Variants in SHPRH observed in about 807,000 individuals in gnomAD.
SHPRH encodes SNF2 histone linker PHD RING helicase.
In SHPRH, 106 loss-of-function variants were observed where a neutral mutation model predicts 202.5. The ratio of observed to expected loss-of-function variants is 0.52; its 90% CI spans 0.45 to 0.62. The LOEUF is 0.62. Among genes scored for constraint, SHPRH ranks in the 20% least tolerant of loss-of-function variants. The probability of loss-of-function intolerance (pLI) is 0.00; values close to 1 mark genes in which losing one functional copy is unlikely to be tolerated. For synonymous variants in SHPRH, 729 were observed against 686.0 expected, an observed-to-expected ratio of 1.06 and a Z score of -0.98; for missense variants, 1,710 against 2,020.0, an observed-to-expected ratio of 0.85 and a Z score of 2.94.
chr6:145,872,296 T>C (rs1172957536), intron 2 of SHPRH, among the ~76,000 whole-genome samples: 1 of 152,064 alleles, frequency 6.6e-6, no homozygotes, highest in Non-Finnish European at 1.5e-5. Context: ...AATCTATGTA[T>C]CTGACAAAGC....
Position 145,924,805 on chromosome 6 carries a change from T to C in SHPRH, c.3336A>G (p.Thr1112=), listed in dbSNP as rs1250883458. The change falls in exon 17 of 30, where the codon ACA becomes ACG. Residue 1112 remains threonine (T), a synonymous_variant. Coordinates refer to ENST00000275233, the MANE Select transcript of SHPRH (RefSeq NM_001042683.3). ...LREHYMSKCN[T]EVAEAQQALY... ...AAGCTTGCTGGGCTTCAGCAACTTCTGTATTACACTTGCTCATGTAGTGCT... is the reference window on the plus strand; with the variant it reads ...AAGCTTGCTGGGCTTCAGCAACTTCCGTATTACACTTGCTCATGTAGTGCT... The C allele has an allele frequency of 6.2e-7, 1 of 1,611,874 alleles. No individual in the cohort carries two copies. The highest frequency in any genetic ancestry group is 8.5e-7 in the Non-Finnish European group (1 of 1,178,496).
intron 16 of SHPRH, among the ~76,000 whole-genome samples, 187 bp downstream of exon 16, chr6:145,926,017 A>G (rs1562328703): frequency 6.6e-6 from 1 of 151,998 alleles, no homozygotes; most frequent in African/African-American, 2.4e-5. Context: ...TCAGCAGAGA[A>G]GCCAAATAAT....
intron 1 of SHPRH, among the ~76,000 whole-genome samples, chr6:145,959,637 C>T (rs547297467): frequency 2.6e-5 from 4 of 152,276 alleles, no homozygotes; most frequent in East Asian, 1.9e-4. Context: ...TCTCACTAGC[C>T]CCATGTGCTC....
At chr6:145,931,355 A>G (rs1785422258) in intron 14 of SHPRH, among the ~76,000 whole-genome samples, 1 of 150,092 alleles carries the variant, frequency 6.7e-6, no homozygotes, top group Non-Finnish European at 1.5e-5. Flanking sequence ...TTATTTATTT[A>G]CTTATTATTA....
At chr6:145,918,760 G>A (rs1434140391) in intron 22 of SHPRH, 2 of 152,264 alleles carry the variant, frequency 1.3e-5, no homozygotes, top group Non-Finnish European at 2.9e-5. Context: ...ATTTTTCCAA[G>A]TTACAGTCTC....
rs1187422152 is a variant in SHPRH at position 145,935,313 on chromosome 6, G to A, written c.2698C>T (p.Leu900=). The A allele has an allele frequency of 3.1e-6, 5 of 1,613,978 alleles. No individual in the cohort carries two copies. Among genetic ancestry groups the A allele is most frequent in the Middle Eastern group, 1.7e-4 (1 of 6,058 alleles). Reference sequence around the variant, plus strand: ...ACATCTTTCTTTGCAGACCTCCACAGTATCTTGGCAATAAAGCTGTAGAGA... The same window carrying A: ...ACATCTTTCTTTGCAGACCTCCACAATATCTTGGCAATAAAGCTGTAGAGA... The part of the protein sequence containing the change: ...QHLYSFIAKI[L]WRSAKKDVID... The change falls in exon 12 of 30, where the codon CTG becomes TTG. Residue 900 remains leucine, a synonymous_variant. Transcript: ENST00000275233.
intron 11 of SHPRH, among the ~76,000 whole-genome samples, chr6:145,937,029 G>A (rs1399568678): frequency 6.9e-6 from 1 of 144,154 alleles, no homozygotes; most frequent in Non-Finnish European, 1.5e-5. Flanking sequence ...TGTCGCCCAG[G>A]CTGGAGGGCA....
intron 2 of SHPRH, among the ~76,000 whole-genome samples, chr6:145,871,937 G>A (rs1490105070): frequency 2.6e-5 from 4 of 152,130 alleles, no homozygotes; most frequent in African/African-American, 9.7e-5. Flanking sequence ...ACAAAAACAA[G>A]CAATGGAGAA....
downstream of SHPRH, chr6:145,884,052 T>G (rs1399059691): frequency 2.0e-5 from 3 of 152,318 alleles, no homozygotes; most frequent in East Asian, 5.8e-4. Flanking sequence ...AAGACATGAT[T>G]TCTTACTTTA....
chr6:145,941,980 C>G, intron 9 of SHPRH, 106 bp from the exon 10 acceptor site: 1 of 1,359,278 alleles, frequency 7.4e-7, no homozygotes, highest in East Asian at 2.4e-5. Flanking sequence ...TTCTTAGGAG[C>G]ATTCATGCTA....
At chr6:145,942,597 C>T (rs1786909552) in intron 9 of SHPRH, among the ~76,000 whole-genome samples, 1 of 152,194 alleles carries the variant, frequency 6.6e-6, no homozygotes, top group African/African-American at 2.4e-5. Context: ...TATTAGGAAA[C>T]AATAACATTA....
chr6:145,932,963 A>G, intron 14 of SHPRH, 94 bp downstream of exon 14: 40 of 1,115,666 alleles, frequency 3.6e-5, no homozygotes, highest in Non-Finnish European at 4.4e-5. Context: ...TGGGGGAAAA[A>G]TCCCCCCCCC....
At chr6:145,863,702 C>T (rs1048936805), downstream of SHPRH, among the ~76,000 whole-genome samples, 7 of 152,000 alleles carry the variant, frequency 4.6e-5, no homozygotes, top group Admixed American at 2.6e-4. Context: ...GAGTTCAGGA[C>T]GTGGTCAATG....
At chr6:145,907,336 C>T (rs1000942224) in intron 25 of SHPRH, 5 of 152,384 alleles carry the variant, frequency 3.3e-5, no homozygotes, top group Middle Eastern at 3.4e-3. Context: ...CAAATCAAAG[C>T]CACCATTACT....
At chr6:145,882,805 C>T (rs1780677884), downstream of SHPRH, among the ~76,000 whole-genome samples, 1 of 152,144 alleles carries the variant, frequency 6.6e-6, no homozygotes, top group Non-Finnish European at 1.5e-5. Context: ...AAAATGACCA[C>T]AGGTAATTTC....
At chr6:145,907,146 A>T (rs1209363414) in intron 25 of SHPRH, 2 of 152,106 alleles carry the variant, frequency 1.3e-5, no homozygotes, top group African/African-American at 4.8e-5. Flanking sequence ...GATATGTCTA[A>T]ATGTATTCCT....
chr6:145,925,999 C>T (rs1413470185), intron 16 of SHPRH, among the ~76,000 whole-genome samples: 1 of 151,890 alleles, frequency 6.6e-6, no homozygotes, highest in Non-Finnish European at 1.5e-5. Context: ...CACATAACTG[C>T]AGGTAGATCA....
intron 29 of SHPRH, among the ~76,000 whole-genome samples, chr6:145,887,111 A>C (rs1407512632): frequency 2.6e-5 from 4 of 152,210 alleles, no homozygotes; most frequent in African/African-American, 9.6e-5. Context: ...TTTCAAGAGA[A>C]TTTCAAACAA....
chr6:145,951,949 T>C (rs1193583247), intron 3 of SHPRH: 1 of 454,766 alleles, frequency 2.2e-6, no homozygotes, highest in Admixed American at 2.4e-5. Context: ...AGCAAAGTTA[T>C]CTGGTCTTTA....
Sources: allele counts gnomAD v4.1 joint callset (sites outside exome capture counted in the v4.1 genomes callset), GRCh38; gene constraint gnomAD v4.1.1; transcripts MANE v1.5; gene names NCBI Gene and HGNC (gene_info 2026-07-23, HGNC 2026-07-21).